NPL: variants seen among roughly 807,000 people sequenced by gnomAD.
The protein encoded by NPL is N-acetylneuraminate pyruvate lyase, also known as N-acetylneuraminate lyase.
In NPL, 32 loss-of-function variants were observed where a neutral mutation model predicts 41.1. The observed-to-expected ratio is 0.78, with a 90% CI of 0.59 to 1.05. The LOEUF (loss-of-function observed/expected upper bound fraction) is 1.05, where lower values mean the gene tolerates loss of function less well. NPL is among the 50% of genes least tolerant of loss of function. The pLI is 0.00. For missense variants in NPL, 321 were observed against 378.4 expected (o/e 0.85, Z 1.26); for synonymous variants, 128 against 134.9 (o/e 0.95, Z 0.35).
At position 182,829,407 on chromosome 1, in the gene NPL, A is replaced by T. The variant is rs936916815; in HGVS notation, c.*499A>T. The T allele has an allele frequency of 7.2e-7, 1 of 1,386,792 alleles. No individual in the cohort carries two copies. Among genetic ancestry groups the T allele is most frequent in the Non-Finnish European group, 9.4e-7 (1 of 1,067,884 alleles). 85.9% of individuals were successfully genotyped at this position (1,386,792 alleles called of 1,614,324 possible). On this transcript the variant is annotated 3_prime_UTR_variant, in exon 13 of 13. Coordinates refer to ENST00000367553, the MANE Select transcript of NPL (RefSeq NM_030769.3). ...TATACAACTCAAAATACACCAGCTC[A>T]TTTGGCTGCTCAGTCTAACTCTAGA...
In NPL at chr1:182,818,541, T is replaced by A; in HGVS notation, c.458T>A (p.Ile153Asn). 1 of 1,614,052 alleles carries A rather than the reference T, an allele frequency of 6.2e-7. No homozygotes were observed. The highest frequency in any genetic ancestry group is 8.5e-7 in the Non-Finnish European group (1 of 1,180,034). Residue 153 changes from isoleucine to asparagine, a missense_variant and splice_region_variant, in exon 9 of 13, where the codon ATT becomes AAT. Physicochemically the swap from Ile to Asn is moderately radical, Grantham distance 149 (BLOSUM62 -3). Coordinates refer to ENST00000367553, the MANE Select transcript of NPL (RefSeq NM_030769.3). Reference protein sequence around the residue: ...YHIPALTGVKIRAEELLDGIL... With the variant: ...YHIPALTGVKNRAEELLDGIL... Reference sequence around the variant, plus strand: ...ATGAGGCACTTATTATTTTGAGCAGTTCGTGCTGAGGAGTTGTTGGATGGG... The same window carrying A: ...ATGAGGCACTTATTATTTTGAGCAGATCGTGCTGAGGAGTTGTTGGATGGG...
At chr1:182,801,577 C>T (rs1666847548) in intron 3 of NPL, among the ~76,000 whole-genome samples, 1 of 152,180 alleles carries the variant, frequency 6.6e-6, no homozygotes, top group Admixed American at 6.5e-5. Context: ...GGGTCGGGCT[C>T]AGTGGCTCAC....
At chr1:182,804,348 G>A (rs1038765599) in intron 4 of NPL, among the ~76,000 whole-genome samples, 3 of 152,108 alleles carry the variant, frequency 2.0e-5, no homozygotes, top group East Asian at 1.9e-4. Flanking sequence ...GGCTGGTCTC[G>A]AACTCCTGAC....
At chr1:182,794,537 G>A (rs1281360046) in intron 3 of NPL, 98 bp downstream of exon 3, 14 of 1,232,984 alleles carry the variant, frequency 1.1e-5, no homozygotes, top group South Asian at 6.0e-5. Flanking sequence ...CTGCACCTCT[G>A]TAGAACTGTT....
In NPL at chr1:182,830,273, T is replaced by C. The variant is rs1033793499; in HGVS notation, c.*1365T>C. 2 of 152,234 alleles carry C rather than the reference T, an allele frequency of 1.3e-5. No homozygotes were observed. Among genetic ancestry groups the C allele is most frequent in the Admixed American group, 6.5e-5 (1 of 15,284 alleles). 9.4% of individuals were successfully genotyped at this position (152,234 alleles called of 1,614,324 possible). A position where few individuals can be genotyped will look rare whatever the true frequency, so the allele number is the denominator to read the frequency against. On this transcript the variant is annotated 3_prime_UTR_variant, in exon 13 of 13. Transcript: ENST00000367553. ...TAATTTCCTGAAAGAAGAAAATGAG[T>C]TGTTCGTTTTTGGTTCTGAGGATGT...
Position 182,818,553 on chromosome 1 carries a change from A to T in NPL, c.470A>T (p.Glu157Val), listed in dbSNP as rs138338286. Residue 157 changes from glutamate to valine, a missense_variant, in exon 9 of 13, where the codon GAG becomes GTG. Coordinates refer to ENST00000367553, the MANE Select transcript of NPL (RefSeq NM_030769.3). ...ALTGVKIRAE[E>V]LLDGILDKIP... ...TTATTTTGAGCAGTTCGTGCTGAGG[A>T]GTTGTTGGATGGGATTCTGGATAAG... 26 of 1,614,068 alleles carry T rather than the reference A, an allele frequency of 1.6e-5. No individual in the cohort carries two copies. The highest frequency in any genetic ancestry group is 2.2e-5 in the Non-Finnish European group (26 of 1,180,054).
chr1:182,793,148 A>T (rs910455754), intron 2 of NPL, among the ~76,000 whole-genome samples: 2 of 152,234 alleles, frequency 1.3e-5, no homozygotes, highest in African/African-American at 4.8e-5. Flanking sequence ...TTAGACATTA[A>T]ATTTGTGGTC....
At chr1:182,799,843 TGA>T (rs1666784306) in intron 3 of NPL, among the ~76,000 whole-genome samples, 1 of 150,640 alleles carries the variant, frequency 6.6e-6, no homozygotes, top group Non-Finnish European at 1.5e-5. Context: ...AATATAAAAA[TGA>T]CTACAGCAAG....
At chr1:182,824,374 C>T (rs1257506250) in intron 11 of NPL, among the ~76,000 whole-genome samples, 2 of 152,124 alleles carry the variant, frequency 1.3e-5, no homozygotes, top group Non-Finnish European at 2.9e-5. Flanking sequence ...GTTTGTAAGT[C>T]TCTGGGTATT....
intron 5 of NPL, chr1:182,806,598 C>T: frequency 6.7e-7 from 1 of 1,501,194 alleles, no homozygotes; most frequent in Non-Finnish European, 8.9e-7. Flanking sequence ...ACTCACACCC[C>T]TTCCCTTCTT....
chr1:182,817,490 G>A (rs1002483525), intron 8 of NPL, among the ~76,000 whole-genome samples: 14 of 152,156 alleles, frequency 9.2e-5, no homozygotes, highest in African/African-American at 2.4e-4. Flanking sequence ...CATCAGAGAC[G>A]AACTGGGTGT....
At chr1:182,813,884 A>G (rs1400936998) in intron 6 of NPL, among the ~76,000 whole-genome samples, 4 of 152,242 alleles carry the variant, frequency 2.6e-5, no homozygotes, top group Non-Finnish European at 5.9e-5. Flanking sequence ...AATATGTCAC[A>G]TTCTGATCCT....
At chr1:182,810,551 C>T (rs984770381) in intron 5 of NPL, among the ~76,000 whole-genome samples, 1 of 152,102 alleles carries the variant, frequency 6.6e-6, no homozygotes. Flanking sequence ...TCAATTATTG[C>T]TTTTCAAGTT....
chr1:182,811,995 C>T (rs1027852749), intron 5 of NPL, among the ~76,000 whole-genome samples, 161 bp from the exon 6 acceptor site: 1 of 152,184 alleles, frequency 6.6e-6, no homozygotes, highest in East Asian at 1.9e-4. Flanking sequence ...AAAAGATCAC[C>T]ATAAGCCCCT....
intron 5 of NPL, among the ~76,000 whole-genome samples, chr1:182,811,119 G>A (rs6665566): frequency 0.23 from 35,287 of 152,050 alleles, 7,434 homozygotes; most frequent in African/African-American, 0.56. Flanking sequence ...ACATAAATAT[G>A]TGCAATATCA....
chr1:182,827,690 CCTT>C (rs988728457), intron 12 of NPL, among the ~76,000 whole-genome samples: 25 of 151,898 alleles, frequency 1.6e-4, no homozygotes, highest in African/African-American at 5.8e-4. Flanking sequence ...GGCTTCTATT[CCTT>C]CTTTTATCTC....
chr1:182,805,834 A>G (rs1666992420), intron 4 of NPL, among the ~76,000 whole-genome samples: 1 of 152,218 alleles, frequency 6.6e-6, no homozygotes, highest in Non-Finnish European at 1.5e-5. Context: ...AAGCCCAGAT[A>G]TAAAACTGGG....
chr1:182,799,756 C>T (rs919284104), intron 3 of NPL, among the ~76,000 whole-genome samples: 1 of 145,118 alleles, frequency 6.9e-6, no homozygotes, highest in African/African-American at 2.5e-5. Flanking sequence ...AAAAAAAAGC[C>T]CCAAGGCATG....
intron 6 of NPL, 113 bp from the exon 7 acceptor site, chr1:182,814,670 A>G (rs1667272453): frequency 1.1e-6 from 1 of 883,272 alleles, no homozygotes; most frequent in Non-Finnish European, 1.9e-6. Flanking sequence ...CCCACTTTCC[A>G]GTGGTACATC....
Sources: allele counts gnomAD v4.1 joint callset (sites outside exome capture counted in the v4.1 genomes callset), GRCh38; gene constraint gnomAD v4.1.1; transcripts MANE v1.5; gene names NCBI Gene and HGNC (gene_info 2026-07-23, HGNC 2026-07-21).